IL20RB: variants seen among roughly 807,000 people sequenced by gnomAD.
The protein encoded by IL20RB is interleukin-20 receptor subunit beta.
IL20RB carries 21 observed loss-of-function variants against 33.3 expected under a neutral mutation model. The observed-to-expected ratio is 0.63, with a 90% CI of 0.45 to 0.91. The LOEUF (loss-of-function observed/expected upper bound fraction) is 0.91, where lower values mean the gene tolerates loss of function less well. IL20RB is among the 40% of genes least tolerant of loss of function. IL20RB has a pLI of 0.00. For synonymous variants in IL20RB, 147 were observed against 146.8 expected, an observed-to-expected ratio of 1.00 and a Z score of -0.01; for missense variants, 345 against 384.8, an observed-to-expected ratio of 0.90 and a Z score of 0.86.
chr3:136,980,312 G>C (rs183318401), intron 1 of IL20RB, 154 bp from the exon 2 acceptor site: 1 of 735,150 alleles, frequency 1.4e-6, no homozygotes, highest in Non-Finnish European at 2.3e-6. Flanking sequence ...TTGAGACAGA[G>C]TCTCATTCTG....
intron 3 of IL20RB, chr3:136,986,837 T>C (rs187836918): frequency 2.1e-4 from 95 of 443,304 alleles, no homozygotes; most frequent in African/African-American, 1.8e-3. Context: ...CCTTCTGATG[T>C]TCGGATGTGT....
At chr3:136,982,099 A>G (rs1335531864) in intron 2 of IL20RB, 61 bp from the exon 3 acceptor site, 2 of 1,277,228 alleles carry the variant, frequency 1.6e-6, no homozygotes, top group Admixed American at 4.9e-5. Flanking sequence ...GTTACTTGCA[A>G]CCATAACTGA....
chr3:136,980,511 C>G lies in IL20RB; in HGVS notation c.134C>G (p.Ser45Ter), dbSNP rs760797364. Residue 45 changes from serine (S) to a stop codon, truncating the protein, a stop_gained, in exon 2 of 7, where the codon TCA becomes TGA. Transcript: ENST00000329582. LOFTEE classifies it high-confidence loss of function. Reference sequence around the variant, plus strand: ...GCCCCTCAGAACCTCTCTGTACTCTCAACCAACATGAAGCATCTCTTGATG... The same window carrying G: ...GCCCCTCAGAACCTCTCTGTACTCTGAACCAACATGAAGCATCTCTTGATG... Reference protein sequence around the residue: ...LPAPQNLSVLSTNMKHLLMWS... With the variant: ...LPAPQNLSVL 6 of 1,614,092 alleles carry G rather than the reference C, an allele frequency of 3.7e-6. No homozygotes were observed. The highest frequency in any genetic ancestry group is 3.4e-6 in the Non-Finnish European group (4 of 1,180,042).
chr3:136,991,762 C>T (rs1942036212), intron 4 of IL20RB, among the ~76,000 whole-genome samples, 176 bp from the exon 5 acceptor site: 1 of 152,192 alleles, frequency 6.6e-6, no homozygotes, highest in Non-Finnish European at 1.5e-5. Context: ...GCACCCACCA[C>T]CATGCCTGGC....
chr3:136,982,429 T>C, intron 3 of IL20RB, 79 bp downstream of exon 3: 1 of 1,058,068 alleles, frequency 9.5e-7, no homozygotes, highest in African/African-American at 1.6e-5. Flanking sequence ...CTTTCTAGAC[T>C]CTTTTTAGCA....
chr3:136,980,619 C>A, intron 2 of IL20RB, 27 bp downstream of exon 2: 1 of 1,613,478 alleles, frequency 6.2e-7, no homozygotes, highest in South Asian at 1.1e-5. Context: ...AATAGTTCTT[C>A]TCCCTTAAGC....
chr3:137,006,278 G>C (rs975434625), intron 6 of IL20RB, among the ~76,000 whole-genome samples: 1 of 152,114 alleles, frequency 6.6e-6, no homozygotes, highest in African/African-American at 2.4e-5. Flanking sequence ...TCTTTGTGGT[G>C]TTCTCTGTAT....
chr3:137,004,494 G>A (rs1942312406), intron 6 of IL20RB, among the ~76,000 whole-genome samples: 1 of 152,184 alleles, frequency 6.6e-6, no homozygotes, highest in Non-Finnish European at 1.5e-5. Flanking sequence ...TTAGTCTTGG[G>A]AGGGTGTATG....
chr3:136,983,946 C>T (rs932856223), intron 3 of IL20RB, among the ~76,000 whole-genome samples: 3 of 152,188 alleles, frequency 2.0e-5, no homozygotes, highest in African/African-American at 4.8e-5. Flanking sequence ...AAGCGATCCT[C>T]CTGCCTCAGG....
chr3:137,008,249 C>G (rs548188197), intron 6 of IL20RB, among the ~76,000 whole-genome samples: 1 of 152,180 alleles, frequency 6.6e-6, no homozygotes, highest in African/African-American at 2.4e-5. Flanking sequence ...AACTCAGATG[C>G]CTCTGAGTCC....
At chr3:136,959,232 G>A (rs1941130731) in intron 1 of IL20RB, 1 of 152,188 alleles carries the variant, frequency 6.6e-6, no homozygotes, top group Non-Finnish European at 1.5e-5. Context: ...TGGACTACAA[G>A]CAGCTGCTGG....
intron 1 of IL20RB, among the ~76,000 whole-genome samples, chr3:136,974,216 G>A (rs1941561800): frequency 6.6e-6 from 1 of 151,938 alleles, no homozygotes. Context: ...CCTCCTTTGT[G>A]TGACTGCTTT....
At chr3:136,971,801 A>C (rs1353093787) in intron 1 of IL20RB, among the ~76,000 whole-genome samples, 1 of 152,210 alleles carries the variant, frequency 6.6e-6, no homozygotes, top group Non-Finnish European at 1.5e-5. Flanking sequence ...AAACATGAAA[A>C]GGGAGGTTTC....
chr3:136,991,050 A>T (rs1302757106), intron 4 of IL20RB, among the ~76,000 whole-genome samples: 2 of 152,312 alleles, frequency 1.3e-5, no homozygotes, highest in East Asian at 3.9e-4. Context: ...GCAAGCCTCC[A>T]CAGGATCAGA....
intron 1 of IL20RB, among the ~76,000 whole-genome samples, chr3:136,960,886 G>A (rs932047049): frequency 6.6e-6 from 1 of 152,206 alleles, no homozygotes; most frequent in African/African-American, 2.4e-5. Flanking sequence ...AGCCTTAAAG[G>A]CTGATAGAGG....
intron 1 of IL20RB, among the ~76,000 whole-genome samples, chr3:136,970,946 C>T (rs1197131718): frequency 6.6e-6 from 1 of 152,054 alleles, no homozygotes; most frequent in African/African-American, 2.4e-5. Flanking sequence ...GACGCTGTGC[C>T]TGGCCTTATT....
chr3:137,010,402 C>A lies in IL20RB; in HGVS notation c.*179C>A. ...GCAGGGTGGTTTGTCTAACAGAACA[C>A]TGACTGAGGCTTAGGGGATGTGACC... On this transcript the variant is annotated 3_prime_UTR_variant, in exon 7 of 7. Coordinates refer to ENST00000329582, the MANE Select transcript of IL20RB (RefSeq NM_144717.4). 1 of 551,442 alleles carries A rather than the reference C, an allele frequency of 1.8e-6. No individual in the cohort carries two copies. The highest frequency in any genetic ancestry group is 3.0e-5 in the East Asian group (1 of 33,590). 34.2% of individuals were successfully genotyped at this position (551,442 alleles called of 1,614,324 possible). A position where few individuals can be genotyped will look rare whatever the true frequency, so the allele number is the denominator to read the frequency against.
Position 136,991,879 on chromosome 3 carries a change from G to A in IL20RB, c.532-59G>A, listed in dbSNP as rs748106380. 332 of 1,572,796 alleles carry A rather than the reference G, an allele frequency of 2.1e-4. 1 individual carries two copies. The highest frequency in any genetic ancestry group is 2.9e-4 in the Non-Finnish European group (330 of 1,152,628). On this transcript the variant is annotated intron_variant, in intron 4 of 6. Transcript: ENST00000329582. Reference sequence around the variant, plus strand: ...CCCGCCTCAGGCTCCCAAAGTGCTGGGATTATAGGCGTGAGCCACCGCACT... The same window carrying A: ...CCCGCCTCAGGCTCCCAAAGTGCTGAGATTATAGGCGTGAGCCACCGCACT...
At chr3:136,987,437 A>G (rs1941931171) in intron 3 of IL20RB, among the ~76,000 whole-genome samples, 1 of 152,212 alleles carries the variant, frequency 6.6e-6, no homozygotes, top group African/African-American at 2.4e-5. Context: ...AGCTAGAGAC[A>G]GAGTGCCCAT....
Sources: gnomAD v4.1 joint callset for allele counts (sites outside exome capture counted in the v4.1 genomes callset) on GRCh38, gnomAD v4.1.1 for gene constraint, MANE v1.5 for transcripts, NCBI Gene and HGNC (gene_info 2026-07-23, HGNC 2026-07-21) for gene names.